Variants in DDHD1 observed in about 807,000 individuals in gnomAD.
The protein encoded by DDHD1 is phospholipase DDHD1.
Under a neutral mutation model 96.4 loss-of-function variants are expected in DDHD1, and 49 were observed. That is an observed-to-expected ratio of 0.51 (90% CI 0.40 to 0.64). The LOEUF is 0.64. DDHD1 is among the 30% of genes least tolerant of loss of function. The probability of loss-of-function intolerance (pLI) is 0.00; values close to 1 mark genes in which losing one functional copy is unlikely to be tolerated. For missense variants in DDHD1, 1,106 were observed against 1,161.2 expected (o/e 0.95, Z 0.69); for synonymous variants, 442 against 446.5 (o/e 0.99, Z 0.13).
At chr14:53,064,477 A>C (rs1385316155) in intron 6 of DDHD1, among the ~76,000 whole-genome samples, 1 of 152,084 alleles carries the variant, frequency 6.6e-6, no homozygotes, top group East Asian at 1.9e-4. Context: ...CCAGTAATTA[A>C]CCTATTTCAT....
intron 1 of DDHD1, among the ~76,000 whole-genome samples, chr14:53,150,548 A>C (rs1891272855): frequency 6.6e-6 from 1 of 152,246 alleles, no homozygotes; most frequent in African/African-American, 2.4e-5. Flanking sequence ...ATCAAAAACC[A>C]AGAGAGCACA....
rs1882974435 is a variant in DDHD1, at chr14:53,055,588, C to T, written c.2245+72G>A. On this transcript the variant is annotated intron_variant, in intron 10 of 12. Coordinates refer to ENST00000673822, the MANE Select transcript of DDHD1 (RefSeq NM_001160148.2). ...TGGGAGTTTCCTAATACATAGAATA[C>T]TTCTAGTCCCCCAAACTTATGTCTA... The T allele has an allele frequency of 8.1e-6, 11 of 1,362,032 alleles. No homozygotes were observed. In the Admixed American group the frequency reaches 2.3e-4, roughly 29 times the overall value. The allele number at this position is 1,362,032 out of a possible 1,614,324, so 84.4% of individuals were successfully genotyped here.
intron 1 of DDHD1, among the ~76,000 whole-genome samples, chr14:53,121,697 T>C (rs1889001501): frequency 2.0e-5 from 3 of 152,108 alleles, no homozygotes; most frequent in African/African-American, 4.8e-5. Flanking sequence ...ATACCCCATG[T>C]TCTCAGTCAA....
intron 1 of DDHD1, among the ~76,000 whole-genome samples, chr14:53,117,604 C>T (rs1239748043): frequency 6.6e-6 from 1 of 152,186 alleles, no homozygotes; most frequent in African/African-American, 2.4e-5. Context: ...GGGGCATCTG[C>T]CATTGCTGGG....
At chr14:53,093,219 A>C in intron 3 of DDHD1, 97 bp downstream of exon 3, 1 of 1,313,400 alleles carries the variant, frequency 7.6e-7, no homozygotes, top group Non-Finnish European at 1.0e-6. Context: ...ATATACTTAA[A>C]ACATACTAAA....
At position 53,116,360 on chromosome 14, in the gene DDHD1, C is replaced by G. The variant is rs531643105; in HGVS notation, c.839-12504G>C. ...GGATATTCAGGACTTGAACTCAACTCTGGACCAAGATGACCTAATAGACAT... is the reference window on the plus strand; with the variant it reads ...GGATATTCAGGACTTGAACTCAACTGTGGACCAAGATGACCTAATAGACAT... On this transcript the variant is annotated intron_variant, in intron 1 of 12. Coordinates refer to ENST00000673822, the MANE Select transcript of DDHD1 (RefSeq NM_001160148.2). 2.6e-5 allele frequency among the ~76,000 whole-genome samples: 4 copies of G among 152,320 alleles called. No homozygotes were observed. The South Asian group carries it at 8.3e-4, about 32-fold the overall frequency.
intron 2 of DDHD1, 25 bp downstream of exon 2, chr14:53,103,658 T>C (rs1409777862): frequency 1.3e-6 from 2 of 1,576,636 alleles, no homozygotes; most frequent in African/African-American, 1.4e-5. Context: ...TTGTAGAATA[T>C]ATTAAATGTA....
At chr14:53,091,986 C>A in intron 3 of DDHD1, 54 bp from the exon 4 acceptor site, 2 of 1,510,824 alleles carry the variant, frequency 1.3e-6, no homozygotes, top group Non-Finnish European at 1.8e-6. Context: ...AATAGCATTT[C>A]CACAATATGT....
chr14:53,130,249 CCT>C (rs563475847), intron 1 of DDHD1, among the ~76,000 whole-genome samples: 319 of 152,294 alleles, frequency 2.1e-3, no homozygotes, highest in African/African-American at 7.4e-3. Context: ...CCAACAATTT[CCT>C]CTCAAAGAAG....
At chr14:53,073,692 G>T (rs750083720) in intron 5 of DDHD1, 49 bp downstream of exon 5, 2 of 1,478,248 alleles carry the variant, frequency 1.4e-6, no homozygotes, top group Admixed American at 4.2e-5. Context: ...CATTTATTTT[G>T]GTAAAAGTTT....
chr14:53,088,551 C>T (rs1247422651), intron 4 of DDHD1, among the ~76,000 whole-genome samples: 8 of 152,086 alleles, frequency 5.3e-5, no homozygotes, highest in Non-Finnish European at 1.2e-4. Context: ...ATCACATAAC[C>T]AGAACCAAAG....
intron 1 of DDHD1, among the ~76,000 whole-genome samples, chr14:53,114,020 T>C (rs1453116606): frequency 6.6e-6 from 1 of 152,208 alleles, no homozygotes; most frequent in Non-Finnish European, 1.5e-5. Flanking sequence ...CCAGGGACAC[T>C]GGAGCTTGGT....
chr14:53,126,975 A>G (rs934895465), intron 1 of DDHD1, among the ~76,000 whole-genome samples: 5 of 152,212 alleles, frequency 3.3e-5, no homozygotes, highest in Non-Finnish European at 5.9e-5. Flanking sequence ...GTTGAAATCA[A>G]AAGAGAAACT....
At chr14:53,117,288 C>G (rs1384566427) in intron 1 of DDHD1, among the ~76,000 whole-genome samples, 1 of 152,100 alleles carries the variant, frequency 6.6e-6, no homozygotes, top group African/African-American at 2.4e-5. Flanking sequence ...CTCATTGGGA[C>G]TGGTTGGACA....
intron 12 of DDHD1, 22 bp from the exon 13 acceptor site, chr14:53,046,971 C>G: frequency 6.4e-7 from 1 of 1,571,144 alleles, no homozygotes; most frequent in Non-Finnish European, 8.6e-7. Context: ...AGAAGTTAAA[C>G]AAATGAATAC....
At chr14:53,147,831 T>C (rs1176076738) in intron 1 of DDHD1, among the ~76,000 whole-genome samples, 1 of 152,188 alleles carries the variant, frequency 6.6e-6, no homozygotes, top group Non-Finnish European at 1.5e-5. Flanking sequence ...CCTATAGTCC[T>C]GCTTTATTGG....
chr14:53,095,590 A>G (rs1886821814), intron 2 of DDHD1, among the ~76,000 whole-genome samples: 1 of 152,194 alleles, frequency 6.6e-6, no homozygotes, highest in Admixed American at 6.5e-5. Flanking sequence ...CCAGATCAAG[A>G]TTCAATTAAC....
chr14:53,103,942 C>T, intron 1 of DDHD1, 86 bp from the exon 2 acceptor site: 2 of 1,230,218 alleles, frequency 1.6e-6, no homozygotes, highest in Non-Finnish European at 2.2e-6. Flanking sequence ...TTATATTTTG[C>T]TACTGCTGTC....
intron 1 of DDHD1, among the ~76,000 whole-genome samples, chr14:53,122,405 C>A (rs1889063309): frequency 6.6e-6 from 1 of 152,158 alleles, no homozygotes. Flanking sequence ...CATGGGGCAG[C>A]ACTTTGTGAC....
Sources: allele counts gnomAD v4.1 joint callset (sites outside exome capture counted in the v4.1 genomes callset), GRCh38; gene constraint gnomAD v4.1.1; transcripts MANE v1.5; gene names NCBI Gene and HGNC (gene_info 2026-07-23, HGNC 2026-07-21).